CCDC134: variants seen among roughly 807,000 people sequenced by gnomAD.
The protein encoded by CCDC134 is coiled-coil domain-containing protein 134.
A neutral mutation model predicts 25.6 loss-of-function variants in CCDC134; 27 were observed. The ratio of observed to expected loss-of-function variants is 1.05; its 90% CI spans 0.78 to 1.45. The LOEUF (loss-of-function observed/expected upper bound fraction) is 1.45, where lower values mean the gene tolerates loss of function less well. CCDC134 is among the 40% of genes most tolerant of loss of function. CCDC134 has a pLI of 0.00. For missense variants in CCDC134, 261 were observed against 286.7 expected (o/e 0.91, Z 0.65); for synonymous variants, 110 against 115.0 (o/e 0.96, Z 0.28).
intron 1 of CCDC134, 135 bp from the exon 2 acceptor site, chr22:41,808,740 A>C (rs2148307235): frequency 2.9e-6 from 2 of 689,836 alleles, no homozygotes; most frequent in East Asian, 5.4e-5. Flanking sequence ...CTGCAGCTTC[A>C]GGGCTCCCCA....
At chr22:41,820,261 G>T (rs1183429097) in intron 6 of CCDC134, among the ~76,000 whole-genome samples, 4 of 151,682 alleles carry the variant, frequency 2.6e-5, no homozygotes, top group Non-Finnish European at 5.9e-5. Flanking sequence ...CTCCCAAAGT[G>T]CTGGGATTAC....
intron 6 of CCDC134, among the ~76,000 whole-genome samples, chr22:41,817,678 G>A (rs1236691999): frequency 6.6e-6 from 1 of 151,734 alleles, no homozygotes; most frequent in Non-Finnish European, 1.5e-5. Flanking sequence ...GTTGCAGTGA[G>A]GTGAGATTGC....
At chr22:41,819,963 T>TATATATA (rs57794600) in intron 6 of CCDC134, among the ~76,000 whole-genome samples, 6 of 82,618 alleles carry the variant, frequency 7.3e-5, no homozygotes, top group African/African-American at 1.8e-4. Flanking sequence ...ACTTACCACT[T>TATATATA]TATATATATA....
chr22:41,819,310 G>T (rs1350726766), intron 6 of CCDC134, among the ~76,000 whole-genome samples: 1 of 152,200 alleles, frequency 6.6e-6, no homozygotes, highest in Non-Finnish European at 1.5e-5. Flanking sequence ...GATGGGGAAG[G>T]CAGCAGGGAA....
At chr22:41,813,559 G>A (rs1453263688) in intron 5 of CCDC134, 114 bp downstream of exon 5, 4 of 1,311,950 alleles carry the variant, frequency 3.0e-6, no homozygotes, top group African/African-American at 1.5e-5. Flanking sequence ...TTTTCTTTGT[G>A]GAGCTTCAGG....
intron 1 of CCDC134, 83 bp from the exon 2 acceptor site, chr22:41,808,792 G>A (rs2076580126): frequency 3.7e-6 from 4 of 1,084,186 alleles, no homozygotes; most frequent in African/African-American, 3.1e-5. Context: ...TATGTCGGGG[G>A]AAGCTGCTGT....
chr22:41,814,287 C>T (rs996717033), intron 6 of CCDC134, among the ~76,000 whole-genome samples: 5 of 152,034 alleles, frequency 3.3e-5, no homozygotes, highest in South Asian at 2.1e-4. Context: ...GAGGACAGGC[C>T]GGGCACGGTG....
At chr22:41,817,163 GT>G (rs770791511) in intron 6 of CCDC134, among the ~76,000 whole-genome samples, 9 of 152,140 alleles carry the variant, frequency 5.9e-5, no homozygotes, top group Admixed American at 2.0e-4. Context: ...ATCTCAGGCT[GT>G]ACCATTCCAA....
At chr22:41,810,042 T>C (rs940723427) in intron 3 of CCDC134, 42 bp downstream of exon 3, 1 of 1,611,702 alleles carries the variant, frequency 6.2e-7, no homozygotes, top group African/African-American at 1.3e-5. Flanking sequence ...GTCCAGTCTT[T>C]GATCTAGGCA....
At chr22:41,804,487 C>G (rs2076558771) in intron 1 of CCDC134, among the ~76,000 whole-genome samples, 1 of 152,180 alleles carries the variant, frequency 6.6e-6, no homozygotes, top group South Asian at 2.1e-4. Flanking sequence ...GGGCTGCAGT[C>G]TAATAACAGA....
At position 41,810,218 on chromosome 22, in the gene CCDC134, C is replaced by T. The variant is rs2076587880; in HGVS notation, c.237C>T (p.Asp79=). 1.2e-6 allele frequency: 2 copies of T among 1,614,014 alleles called. No individual in the cohort carries two copies. Among genetic ancestry groups the T allele is most frequent in the African/African-American group, 1.3e-5 (1 of 75,044 alleles). ...CGGGATTCCCTCAGGTGCTGGAGGACTCCCGGACAGTGCTCACCGCTGCTG... is the reference window on the plus strand; with the variant it reads ...CGGGATTCCCTCAGGTGCTGGAGGATTCCCGGACAGTGCTCACCGCTGCTG... ...MLKGLFKVLE[D]SRTVLTAADV... The change falls in exon 4 of 7, where the codon GAC becomes GAT. Residue 79 remains aspartate (D), a synonymous_variant. Coordinates refer to ENST00000255784, the MANE Select transcript of CCDC134 (RefSeq NM_024821.5).
At position 41,816,652 on chromosome 22, in the gene CCDC134, A is replaced by G. The variant is rs527568570; in HGVS notation, c.564+2830A>G. ...TATATCCTCCCCAGGTGGCAGGATT[A>G]TTGCTATAAAATCCATGTGTCCTTG... On this transcript the variant is annotated intron_variant, in intron 6 of 6. Coordinates refer to ENST00000255784, the MANE Select transcript of CCDC134 (RefSeq NM_024821.5). Among the ~76,000 whole-genome samples, 15 of 152,282 alleles carry G rather than the reference A, an allele frequency of 9.9e-5. No homozygotes were observed. The South Asian group carries it at 2.9e-3, about 29-fold the overall frequency.
intron 4 of CCDC134, among the ~76,000 whole-genome samples, chr22:41,812,697 A>G (rs2076603117): frequency 1.3e-5 from 2 of 152,158 alleles, no homozygotes; most frequent in South Asian, 4.1e-4. Context: ...TTAAGCACTT[A>G]AAATGAAATA....
rs1013251981 is a variant in CCDC134, at chr22:41,830,877, T to G, written c.*5054T>G. ...AGCACACAGATCCTTATTTTTTCTT[T>G]TCTTTTCTTTTTTTTTTTTTTTTTT... On this transcript the variant is annotated 3_prime_UTR_variant, in exon 7 of 7. Transcript: ENST00000255784. Among the ~76,000 whole-genome samples the G allele has an allele frequency of 1.6e-5, 2 of 122,176 alleles. No homozygotes were observed. The highest frequency in any genetic ancestry group is 3.7e-5 in the Non-Finnish European group (2 of 53,432). The allele number at this position is 122,176 out of a possible 152,430, so 80.2% of individuals were successfully genotyped here.
chr22:41,809,828 A>G (rs777133048), intron 2 of CCDC134, 51 bp from the exon 3 acceptor site: 2 of 1,609,222 alleles, frequency 1.2e-6, no homozygotes, highest in Non-Finnish European at 1.7e-6. Flanking sequence ...AGACTGCTGG[A>G]TTGTCCAGGC....
rs571592367 is a variant in CCDC134, at chr22:41,802,055, G to A, written c.-17+1289G>A. ...GATTTTTCTGTGTAAGTTTGCAGTG[G>A]CCTTTGTGCAGGGTTGTGGTTTTTG... On this transcript the variant is annotated intron_variant, in intron 1 of 6. Coordinates refer to ENST00000255784, the MANE Select transcript of CCDC134 (RefSeq NM_024821.5). Among the ~76,000 whole-genome samples, 3 of 152,324 alleles carry A rather than the reference G, an allele frequency of 2.0e-5. No homozygotes were observed. In the South Asian group the frequency reaches 6.2e-4, roughly 32 times the overall value.
chr22:41,822,313 A>G (rs1048969615), intron 6 of CCDC134, among the ~76,000 whole-genome samples: 1 of 152,188 alleles, frequency 6.6e-6, no homozygotes, highest in Admixed American at 6.5e-5. Flanking sequence ...TTGATGACTA[A>G]CCTAACAGTG....
intron 1 of CCDC134, among the ~76,000 whole-genome samples, chr22:41,806,146 A>ACCTC: frequency 6.6e-6 from 1 of 152,122 alleles, no homozygotes; most frequent in South Asian, 2.1e-4. Flanking sequence ...CTTAGAGAAG[A>ACCTC]ATCAGAACCA....
Position 41,813,436 on chromosome 22 carries a change from C to G in CCDC134, c.483C>G (p.Ile161Met). Reference sequence around the variant, plus strand: ...TCAACCAGGGGCCCCACTCGCCCATCCTCAGCCTGGTAAGGACTGGGGTGG... The same window carrying G: ...TCAACCAGGGGCCCCACTCGCCCATGCTCAGCCTGGTAAGGACTGGGGTGG... Reference protein sequence around the residue: ...GVFNQGPHSPILSLMAQELGI... With the variant: ...GVFNQGPHSPMLSLMAQELGI... The change falls in exon 5 of 7, where the codon ATC (isoleucine) becomes ATG (methionine). Residue 161 changes from isoleucine (I) to methionine (M), a missense_variant. Transcript: ENST00000255784. 1.2e-6 allele frequency: 2 copies of G among 1,614,236 alleles called. No individual in the cohort carries two copies. The highest frequency in any genetic ancestry group is 1.7e-6 in the Non-Finnish European group (2 of 1,180,046).
Sources: gnomAD v4.1 joint callset for allele counts (sites outside exome capture counted in the v4.1 genomes callset) on GRCh38, gnomAD v4.1.1 for gene constraint, MANE v1.5 for transcripts, NCBI Gene and HGNC (gene_info 2026-07-23, HGNC 2026-07-21) for gene names.